FBN1: variants seen among roughly 807,000 people sequenced by gnomAD.
The protein encoded by FBN1 is fibrillin 1.
FBN1 carries 29 observed loss-of-function variants against 365.1 expected under a neutral mutation model. That is an observed-to-expected ratio of 0.08 (90% confidence interval 0.06 to 0.11). FBN1 has a LOEUF of 0.11. FBN1 is among the 10% of genes least tolerant of loss of function. FBN1 has a pLI of 1.00. For missense variants in FBN1, 2,476 were observed against 3,703.2 expected (o/e 0.67, Z 8.60); for synonymous variants, 1,210 against 1,270.5 (o/e 0.95, Z 1.01).
At chr15:48,612,595 TC>T (rs1419478697) in intron 3 of FBN1, among the ~76,000 whole-genome samples, 1 of 152,180 alleles carries the variant, frequency 6.6e-6, no homozygotes, top group African/African-American at 2.4e-5. Flanking sequence ...CTCCTTCCTT[TC>T]CCCTCTGTCT....
chr15:48,461,711 A>G (rs1329482595), intron 42 of FBN1, among the ~76,000 whole-genome samples: 23 of 152,230 alleles, frequency 1.5e-4, no homozygotes, highest in Non-Finnish European at 3.4e-4. Context: ...AAAGGGACAG[A>G]GAGTAAATAT....
chr15:48,622,411 G>T (rs1435919502), intron 2 of FBN1, among the ~76,000 whole-genome samples: 1 of 152,136 alleles, frequency 6.6e-6, no homozygotes, highest in Non-Finnish European at 1.5e-5. Context: ...GCTATGACTT[G>T]ATGTTTCCCG....
chr15:48,623,947 A>T (rs1247541953), intron 2 of FBN1, among the ~76,000 whole-genome samples: 1 of 136,094 alleles, frequency 7.3e-6, no homozygotes, highest in Non-Finnish European at 1.6e-5. Flanking sequence ...TCTCTCTCAC[A>T]TACACACACA....
At chr15:48,415,907 G>A (rs1007353124) in intron 63 of FBN1, 140 bp from the exon 64 acceptor site, 2 of 724,132 alleles carry the variant, frequency 2.8e-6, no homozygotes, top group African/African-American at 3.5e-5. Flanking sequence ...GTGGCTGGGT[G>A]GGGAGAGCAA....
At chr15:48,425,176 C>T (rs1231373581) in intron 60 of FBN1, among the ~76,000 whole-genome samples, 193 bp downstream of exon 60, 1 of 152,184 alleles carries the variant, frequency 6.6e-6, no homozygotes, top group East Asian at 1.9e-4. Flanking sequence ...ACAGCTGCTT[C>T]CTCCACAATC....
intron 8 of FBN1, chr15:48,529,585 C>T (rs1257980823): frequency 6.6e-6 from 1 of 152,154 alleles, no homozygotes; most frequent in Non-Finnish European, 1.5e-5. Flanking sequence ...AAACCTGATC[C>T]TGACAGTTAA....
At chr15:48,615,840 T>C (rs1889640726) in intron 2 of FBN1, among the ~76,000 whole-genome samples, 1 of 152,172 alleles carries the variant, frequency 6.6e-6, no homozygotes, top group African/African-American at 2.4e-5. Flanking sequence ...ACTGTTTAAA[T>C]CTAGATACAG....
intron 30 of FBN1, among the ~76,000 whole-genome samples, chr15:48,484,973 C>A (rs758866632): frequency 1.1e-4 from 17 of 152,134 alleles, no homozygotes; most frequent in Non-Finnish European, 2.2e-4. Flanking sequence ...GTTTCTGATA[C>A]GGTAGATCTG....
At position 48,644,824 on chromosome 15, in the gene FBN1, TGCGGCC is replaced by T; in HGVS notation, c.-61_-56del. 33 of 1,554,060 alleles carry T rather than the reference TGCGGCC, an allele frequency of 2.1e-5. No homozygotes were observed. Among genetic ancestry groups the T allele is most frequent in the Non-Finnish European group, 2.7e-5 (31 of 1,153,974 alleles). ...CTCTTGCCGCGCCCGGGGCTCGGTC[TGCGGCC>T]GCCGCTGCGCCCTGAAGCGCACCGC... On this transcript the variant is annotated 5_prime_UTR_variant, in exon 2 of 66. Coordinates refer to ENST00000316623, the MANE Select transcript of FBN1 (RefSeq NM_000138.5).
At chr15:48,626,848 A>C (rs1433125082) in intron 2 of FBN1, among the ~76,000 whole-genome samples, 1 of 152,192 alleles carries the variant, frequency 6.6e-6, no homozygotes, top group Admixed American at 6.5e-5. Flanking sequence ...AGTCCACATG[A>C]AGTCATTCAG....
chr15:48,480,347 A>G (rs1315934860), intron 32 of FBN1, among the ~76,000 whole-genome samples: 9 of 152,166 alleles, frequency 5.9e-5, no homozygotes, highest in African/African-American at 1.9e-4. Flanking sequence ...ACCAAGTCCT[A>G]TATTTATACT....
rs1033318500 is a variant in FBN1, at chr15:48,577,560, G to A, written c.538+18723C>T. ...TTTTTTTCCTCTCATTTTATCCATT[G>A]TAATATGCTCTGGCATTTTCACAAT... On this transcript the variant is annotated intron_variant, in intron 6 of 65. Transcript: ENST00000316623. Among the ~76,000 whole-genome samples, 8 of 151,940 alleles carry A rather than the reference G, an allele frequency of 5.3e-5. No homozygotes were observed. The East Asian group carries it at 1.5e-3, about 29-fold the overall frequency.
intron 2 of FBN1, among the ~76,000 whole-genome samples, chr15:48,633,897 G>T (rs999408449): frequency 6.6e-6 from 1 of 152,096 alleles, no homozygotes; most frequent in African/African-American, 2.4e-5. Context: ...CCTACGAACC[G>T]GAGAGGAAAA....
chr15:48,465,874 T>C lies in FBN1; in HGVS notation c.4748-16A>G, dbSNP rs1186886966. The C allele has an allele frequency of 1.3e-6, 2 of 1,592,532 alleles. No individual in the cohort carries two copies. Among genetic ancestry groups the C allele is most frequent in the East Asian group, 2.2e-5 (1 of 44,708 alleles). ...TTGTACTCGGCTATTGAAACAAAAA[T>C]TCAAATTGAGTTGTTTTGAATCTAA... is the stretch of plus-strand genomic sequence containing the variant. On this transcript the variant is annotated splice_polypyrimidine_tract_variant and intron_variant, in intron 38 of 65. Coordinates refer to ENST00000316623, the MANE Select transcript of FBN1 (RefSeq NM_000138.5).
At chr15:48,465,962 C>T in intron 38 of FBN1, 104 bp from the exon 39 acceptor site, 2 of 825,082 alleles carry the variant, frequency 2.4e-6, no homozygotes, top group Non-Finnish European at 2.0e-6. Flanking sequence ...TGTTCATTTT[C>T]AGGAATCTTT....
At chr15:48,521,002 C>T (rs1022539896) in intron 9 of FBN1, among the ~76,000 whole-genome samples, 185 bp from the exon 10 acceptor site, 9 of 152,234 alleles carry the variant, frequency 5.9e-5, no homozygotes, top group African/African-American at 2.2e-4. Context: ...AATCCCTGGT[C>T]TCACACCTTT....
intron 50 of FBN1, 59 bp from the exon 51 acceptor site, chr15:48,437,976 A>G (rs1308919317): frequency 6.4e-7 from 1 of 1,569,330 alleles, no homozygotes; most frequent in African/African-American, 1.4e-5. Flanking sequence ...GTATTGCACC[A>G]TAGCAAATAA....
At chr15:48,643,750 C>A (rs976755205) in intron 2 of FBN1, 1 of 152,146 alleles carries the variant, frequency 6.6e-6, no homozygotes, top group African/African-American at 2.4e-5. Flanking sequence ...CACTGACAGT[C>A]CATCCTGTTG....
intron 50 of FBN1, among the ~76,000 whole-genome samples, chr15:48,440,213 T>C (rs1317051830): frequency 6.6e-6 from 1 of 152,172 alleles, no homozygotes; most frequent in Non-Finnish European, 1.5e-5. Context: ...CCTCGAAATT[T>C]CATCAGAACT....
Sources: gnomAD v4.1 joint callset for allele counts (sites outside exome capture counted in the v4.1 genomes callset) on GRCh38, gnomAD v4.1.1 for gene constraint, MANE v1.5 for transcripts, NCBI Gene and HGNC (gene_info 2026-07-23, HGNC 2026-07-21) for gene names.